Variants in AJAP1 observed in about 807,000 individuals in gnomAD.
The protein encoded by AJAP1 is adherens junctions associated protein 1.
A neutral mutation model predicts 35.0 loss-of-function variants in AJAP1; 5 were observed. The observed-to-expected ratio is 0.14, with a 90% CI of 0.07 to 0.30. The LOEUF is 0.30. AJAP1 is among the 10% of genes least tolerant of loss of function. The pLI is 1.00. For synonymous variants in AJAP1, 284 were observed against 249.3 expected, an observed-to-expected ratio of 1.14 and a Z score of -1.31; for missense variants, 586 against 571.0, an observed-to-expected ratio of 1.03 and a Z score of -0.27.
chr1:4,662,386 G>A (rs533362191), intron 1 of AJAP1, among the ~76,000 whole-genome samples: 2 of 152,208 alleles, frequency 1.3e-5, no homozygotes, highest in East Asian at 3.9e-4. Flanking sequence ...CATGTTCTGA[G>A]GTGTGTCTAC....
rs1642096236 is a variant in AJAP1 at position 4,783,038 on chromosome 1, A to G, written c.*553A>G. On this transcript the variant is annotated 3_prime_UTR_variant, in exon 6 of 6. Coordinates refer to ENST00000378191, the MANE Select transcript of AJAP1 (RefSeq NM_018836.4). Reference sequence around the variant, plus strand: ...TACATATATAAATATATAAATACAAACACACACACACACTTTTTTTGTACT... The same window carrying G: ...TACATATATAAATATATAAATACAAGCACACACACACACTTTTTTTGTACT... 2.7e-6 allele frequency: 1 copy of G among 366,630 alleles called. No individual in the cohort carries two copies. The highest frequency in any genetic ancestry group is 4.6e-5 in the Admixed American group (1 of 21,746). 22.7% of individuals were successfully genotyped at this position (366,630 alleles called of 1,614,324 possible). A position where few individuals can be genotyped will look rare whatever the true frequency, so the allele number is the denominator to read the frequency against.
rs1295799046 is a variant in AJAP1, at chr1:4,786,268, C to A, written c.*3783C>A. 1 of 152,116 alleles carries A rather than the reference C, an allele frequency of 6.6e-6. No individual in the cohort carries two copies. Among genetic ancestry groups the A allele is most frequent in the African/African-American group, 2.4e-5 (1 of 41,416 alleles). The allele number at this position is 152,116 out of a possible 1,614,324, so 9.4% of individuals were successfully genotyped here. ...GCCACTTAGGGGACCTTGTCTTCTC[C>A]GTAGTATTTCTAGTCCTTGCCAATC... On this transcript the variant is annotated 3_prime_UTR_variant, in exon 6 of 6. Transcript: ENST00000378191.
intron 2 of AJAP1, among the ~76,000 whole-genome samples, chr1:4,728,924 C>A (rs770746094): frequency 1.3e-5 from 2 of 152,050 alleles, no homozygotes; most frequent in Non-Finnish European, 2.9e-5. Context: ...GGGGCTCCAT[C>A]GGCCCTGGGC....
chr1:4,778,900 G>A lies in AJAP1; in HGVS notation c.*60-3645G>A, dbSNP rs575705128. Among the ~76,000 whole-genome samples, 6 of 152,236 alleles carry A rather than the reference G, an allele frequency of 3.9e-5. No homozygotes were observed. In the South Asian group the frequency reaches 6.2e-4, roughly 16 times the overall value. On this transcript the variant is annotated intron_variant, in intron 5 of 5. Transcript: ENST00000378191. ...TCTGCCGCGTCTCTGAGCCTCATCC[G>A]GTGTTTTGATTCCCTACTCCGGGCC...
chr1:4,769,869 G>A lies in AJAP1; in HGVS notation c.846G>A (p.Gln282=), dbSNP rs1242041368. 6.2e-7 allele frequency: 1 copy of A among 1,613,992 alleles called. No homozygotes were observed. The highest frequency in any genetic ancestry group is 8.5e-7 in the Non-Finnish European group (1 of 1,179,960). ...LGEASGLAVH[Q]IITITVSLIM... Reference sequence around the variant, plus strand: ...TCTTTCCAGGTCTGGCTGTCCATCAGATCATCACCATCACCGTCTCCCTCA... The same window carrying A: ...TCTTTCCAGGTCTGGCTGTCCATCAAATCATCACCATCACCGTCTCCCTCA... Residue 282 remains glutamine, a synonymous_variant, in exon 3 of 6, where the codon CAG becomes CAA. Transcript: ENST00000378191.
chr1:4,781,102 T>G (rs1476761208), intron 5 of AJAP1, among the ~76,000 whole-genome samples: 2 of 152,162 alleles, frequency 1.3e-5, no homozygotes, highest in African/African-American at 4.8e-5. Context: ...AGAGACGCAG[T>G]GCTGATGATC....
chr1:4,729,007 G>A (rs1025558379), intron 2 of AJAP1, among the ~76,000 whole-genome samples: 2 of 152,176 alleles, frequency 1.3e-5, no homozygotes, highest in African/African-American at 2.4e-5. Flanking sequence ...CCCCGAGGAC[G>A]CTGCCCACTG....
At chr1:4,710,349 G>A (rs1640202767) in intron 1 of AJAP1, among the ~76,000 whole-genome samples, 1 of 151,900 alleles carries the variant, frequency 6.6e-6, no homozygotes, top group Admixed American at 6.6e-5. Context: ...TCTCACACTC[G>A]TGGACACACC....
In AJAP1 at chr1:4,691,585, G is replaced by A. The variant is rs368970935; in HGVS notation, c.30-20315G>A. 5.9e-5 allele frequency among the ~76,000 whole-genome samples: 9 copies of A among 152,212 alleles called. No individual in the cohort carries two copies. In the East Asian group the frequency reaches 9.7e-4, roughly 16 times the overall value. On this transcript the variant is annotated intron_variant, in intron 1 of 5. Coordinates refer to ENST00000378191, the MANE Select transcript of AJAP1 (RefSeq NM_018836.4). ...TTGACCAAAAGCCCTGGTGCTGGAG[G>A]AGAGTCGGAGCTAACTCCGGGCTCG... is the stretch of plus-strand genomic sequence containing the variant.
chr1:4,769,859 C>T lies in AJAP1; in HGVS notation c.836C>T (p.Ala279Val). The T allele has an allele frequency of 6.2e-7, 1 of 1,613,730 alleles. No homozygotes were observed. ...CCTCTTTCCTTCTTTCCAGGTCTGG[C>T]TGTCCATCAGATCATCACCATCACC... is the stretch of plus-strand genomic sequence containing the variant. Reference protein sequence around the residue: ...PRILGEASGLAVHQIITITVS... With the variant: ...PRILGEASGLVVHQIITITVS... Residue 279 changes from alanine (A) to valine (V), a missense_variant, in exon 3 of 6, where the codon GCT (alanine) becomes GTT (valine). Physicochemically the swap from Ala to Val is moderately conservative, Grantham distance 64. Transcript: ENST00000378191.
chr1:4,698,879 C>T (rs191884621), intron 1 of AJAP1, among the ~76,000 whole-genome samples: 1 of 152,334 alleles, frequency 6.6e-6, no homozygotes, highest in African/African-American at 2.4e-5. Context: ...CCCTTGGCTG[C>T]AGCTTGTACT....
At position 4,782,215 on chromosome 1, in the gene AJAP1, C is replaced by T. The variant is rs1317978157; in HGVS notation, c.*60-330C>T. 1.3e-5 allele frequency among the ~76,000 whole-genome samples: 2 copies of T among 152,198 alleles called. No individual in the cohort carries two copies. The highest frequency in any genetic ancestry group is 4.8e-5 in the African/African-American group (2 of 41,438). On this transcript the variant is annotated intron_variant, in intron 5 of 5. Transcript: ENST00000378191. The surrounding 1 kb of genome is among the most constrained non-coding windows in gnomAD (Gnocchi z 5.3). ...GCACGCCTGGGACCGGATGCCCCGG[C>T]ACCCCCACCATGAGTTAGCGGAGGG...
At chr1:4,743,020 C>G (rs1641104321) in intron 2 of AJAP1, among the ~76,000 whole-genome samples, 1 of 152,186 alleles carries the variant, frequency 6.6e-6, no homozygotes, top group Non-Finnish European at 1.5e-5. Flanking sequence ...CCCCTCAGGT[C>G]CCCTGTCCCC....
intron 2 of AJAP1, among the ~76,000 whole-genome samples, chr1:4,744,196 C>G (rs564581661): frequency 6.6e-6 from 1 of 152,272 alleles, no homozygotes; most frequent in Non-Finnish European, 1.5e-5. Context: ...CCAGAAGGAG[C>G]CTTGGCCACC....
intron 4 of AJAP1, 74 bp downstream of exon 4, chr1:4,772,599 T>C: frequency 6.3e-7 from 1 of 1,576,686 alleles, no homozygotes; most frequent in Non-Finnish European, 8.6e-7. Flanking sequence ...CCGGTGTGGC[T>C]GAGCTGAGAG....
chr1:4,657,062 G>T (rs1570074038), intron 1 of AJAP1, among the ~76,000 whole-genome samples: 1 of 152,162 alleles, frequency 6.6e-6, no homozygotes, highest in Non-Finnish European at 1.5e-5. Flanking sequence ...TGCTTCCTGA[G>T]CTGCCACTTG....
At chr1:4,697,710 C>T (rs1420013607) in intron 1 of AJAP1, among the ~76,000 whole-genome samples, 1 of 152,198 alleles carries the variant, frequency 6.6e-6, no homozygotes, top group African/African-American at 2.4e-5. Context: ...GGGAGAGTAG[C>T]GTGTCTGTCC....
intron 1 of AJAP1, among the ~76,000 whole-genome samples, chr1:4,658,882 C>G (rs998637714): frequency 6.6e-6 from 1 of 152,210 alleles, no homozygotes; most frequent in Non-Finnish European, 1.5e-5. Flanking sequence ...AGAGCAGCGC[C>G]GGCTTCTCCA....
rs201919883 is a variant in AJAP1 at position 4,769,768 on chromosome 1, G to A, written c.830-85G>A. 20 of 1,178,018 alleles carry A rather than the reference G, an allele frequency of 1.7e-5. No individual in the cohort carries two copies. In the East Asian group the frequency reaches 4.2e-4, roughly 25 times the overall value. 73.0% of individuals were successfully genotyped at this position (1,178,018 alleles called of 1,614,324 possible). A position where few individuals can be genotyped will look rare whatever the true frequency, so the allele number is the denominator to read the frequency against. On this transcript the variant is annotated intron_variant, in intron 2 of 5. Coordinates refer to ENST00000378191, the MANE Select transcript of AJAP1 (RefSeq NM_018836.4). Reference sequence around the variant, plus strand: ...ACCTGGCATCCCCAGCTGGGTTGGGGGGATGCACCTCCACCTTTCCCGGCC... The same window carrying A: ...ACCTGGCATCCCCAGCTGGGTTGGGAGGATGCACCTCCACCTTTCCCGGCC...
Sources: gnomAD v4.1 joint callset for allele counts (sites outside exome capture counted in the v4.1 genomes callset) on GRCh38, gnomAD v4.1.1 for gene constraint, Gnocchi (gnomAD v3.1) non-coding constraint, MANE v1.5 for transcripts, NCBI Gene and HGNC (gene_info 2026-07-23, HGNC 2026-07-21) for gene names.